CAMK2B: variants seen among roughly 807,000 people sequenced by gnomAD.
CAMK2B encodes the protein calcium/calmodulin dependent protein kinase II beta.
CAMK2B carries 27 observed loss-of-function variants against 93.7 expected under a neutral mutation model. That is an observed-to-expected ratio of 0.29 (90% CI 0.21 to 0.40). CAMK2B has a LOEUF of 0.40. Among genes scored for constraint, CAMK2B ranks in the 10% least tolerant of loss-of-function variants. CAMK2B has a pLI of 1.00. For synonymous variants in CAMK2B, 374 were observed against 358.8 expected (o/e 1.04, Z -0.48); for missense variants, 568 against 895.8 (o/e 0.63, Z 4.67).
chr7:44,243,199 G>T, intron 8 of CAMK2B, 51 bp downstream of exon 8: 1 of 1,384,230 alleles, frequency 7.2e-7, no homozygotes, highest in Non-Finnish European at 1.0e-6. Context: ...TAGGTGGGAA[G>T]TCCTGAAACA....
chr7:44,247,682 T>C (rs1238230825), intron 5 of CAMK2B, among the ~76,000 whole-genome samples: 1 of 152,162 alleles, frequency 6.6e-6, no homozygotes, highest in African/African-American at 2.4e-5. Flanking sequence ...GACCCTGCTC[T>C]GTGCTGGAGC....
At chr7:44,259,701 A>G (rs562072278) in intron 3 of CAMK2B, 1 of 152,352 alleles carries the variant, frequency 6.6e-6, no homozygotes, top group African/African-American at 2.4e-5. Flanking sequence ...ATTTCAGCAC[A>G]AAGCAAGCAA....
At chr7:44,226,450 G>A in intron 20 of CAMK2B, 66 bp downstream of exon 20, 1 of 1,281,540 alleles carries the variant, frequency 7.8e-7, no homozygotes, top group Non-Finnish European at 1.0e-6. Context: ...GAGCACCACT[G>A]CCAGGCTCGC....
Position 44,229,452 on chromosome 7 carries a change from G to A in CAMK2B, c.1275C>T (p.Ala425=). ...AGGGCAGGGGCCCCTCGGCTTCTGG[G>A]GCTCCCGAGCCCCTCCTCACTGAGC... The part of the protein sequence containing the change: ...ILSSVRRGSG[A]PEAEGPLPCP... The change falls in exon 18 of 24, where the codon GCC becomes GCT. Residue 425 remains alanine (A), a synonymous_variant. Transcript: ENST00000395749. 6.7e-7 allele frequency: 1 copy of A among 1,489,780 alleles called. No homozygotes were observed. 92.3% of individuals were successfully genotyped at this position (1,489,780 alleles called of 1,614,324 possible). A position where few individuals can be genotyped will look rare whatever the true frequency, so the allele number is the denominator to read the frequency against.
intron 4 of CAMK2B, among the ~76,000 whole-genome samples, chr7:44,256,057 T>G: frequency 6.6e-6 from 1 of 152,190 alleles, no homozygotes; most frequent in East Asian, 1.9e-4. Context: ...TCTGCTGTTC[T>G]GTGTCCCCGA....
chr7:44,291,574 A>C (rs1028982098), intron 1 of CAMK2B, among the ~76,000 whole-genome samples: 1 of 152,218 alleles, frequency 6.6e-6, no homozygotes, highest in Non-Finnish European at 1.5e-5. Context: ...CCTTATCAGC[A>C]CGGGAGTTCC....
chr7:44,308,551 T>A (rs1012989714), intron 1 of CAMK2B, among the ~76,000 whole-genome samples: 5 of 152,038 alleles, frequency 3.3e-5, no homozygotes, highest in African/African-American at 1.2e-4. Flanking sequence ...GTCATCCCCT[T>A]CAGAACCACA....
At chr7:44,256,266 G>GGT (rs1033100272) in intron 4 of CAMK2B, among the ~76,000 whole-genome samples, 3 of 152,224 alleles carry the variant, frequency 2.0e-5, no homozygotes, top group Non-Finnish European at 4.4e-5. Flanking sequence ...TCCGTGTGAG[G>GGT]GTGTGTGTGT....
rs1420548136 is a variant in CAMK2B, at chr7:44,312,298, G to A, written c.65+13059C>T. Reference sequence around the variant, plus strand: ...TCAGCCAGGTGTCAGTGGCGAGAGGGTGGTGGTGGGAGGGTGGGGCAGAGA... The same window carrying A: ...TCAGCCAGGTGTCAGTGGCGAGAGGATGGTGGTGGGAGGGTGGGGCAGAGA... On this transcript the variant is annotated intron_variant, in intron 1 of 23. Coordinates refer to ENST00000395749, the MANE Select transcript of CAMK2B (RefSeq NM_001220.5). This position sits in a 1 kb window ranked among gnomAD's most constrained non-coding sequence, Gnocchi z 4.1. Among the ~76,000 whole-genome samples the A allele has an allele frequency of 6.6e-6, 1 of 152,186 alleles. No individual in the cohort carries two copies. The highest frequency in any genetic ancestry group is 6.5e-5 in the Admixed American group (1 of 15,276).
chr7:44,273,482 C>T (rs2096995371), intron 2 of CAMK2B, among the ~76,000 whole-genome samples: 1 of 152,188 alleles, frequency 6.6e-6, no homozygotes, highest in Non-Finnish European at 1.5e-5. Context: ...TGGCCCCCCA[C>T]AGGGCAGGCA....
At chr7:44,289,124 G>A (rs1342929134) in intron 1 of CAMK2B, among the ~76,000 whole-genome samples, 4 of 152,128 alleles carry the variant, frequency 2.6e-5, no homozygotes, top group Non-Finnish European at 5.9e-5. Context: ...CAACCCTCGT[G>A]CCTGCCTCTT....
intron 13 of CAMK2B, among the ~76,000 whole-genome samples, chr7:44,238,552 G>C (rs1039480851): frequency 1.3e-5 from 2 of 152,152 alleles, no homozygotes; most frequent in Non-Finnish European, 2.9e-5. Context: ...GAGGAGAATA[G>C]ACTGCCCTCC....
At chr7:44,307,354 GAAGTTGTC>G (rs1792161118) in intron 1 of CAMK2B, among the ~76,000 whole-genome samples, 1 of 130,492 alleles carries the variant, frequency 7.7e-6, no homozygotes, top group African/African-American at 2.9e-5. Flanking sequence ...GCAGGGGGAG[GAAGTTGTC>G]AGCAGGGGGA....
At chr7:44,280,693 C>T (rs578063568) in intron 2 of CAMK2B, among the ~76,000 whole-genome samples, 2 of 152,302 alleles carry the variant, frequency 1.3e-5, no homozygotes, top group Admixed American at 1.3e-4. Context: ...CTGCCAACGT[C>T]ATCAGGAATT....
upstream of CAMK2B, chr7:44,325,853 G>GC (rs1797406084): frequency 2.1e-5 from 1 of 48,530 alleles, no homozygotes; most frequent in Non-Finnish European, 4.1e-5. Context: ...ACGCGCGCCC[G>GC]CCCCCGCCCG....
intron 2 of CAMK2B, chr7:44,267,005 G>A (rs533524481): frequency 1.3e-5 from 2 of 152,232 alleles, no homozygotes; most frequent in African/African-American, 2.4e-5. Context: ...GCACCTCTAC[G>A]TGCACACTGG....
chr7:44,283,322 CA>C (rs760932727), intron 2 of CAMK2B, among the ~76,000 whole-genome samples: 24 of 152,222 alleles, frequency 1.6e-4, no homozygotes, highest in Non-Finnish European at 3.2e-4. Flanking sequence ...GGAGACCCCA[CA>C]AGGGCAGGGA....
At chr7:44,303,209 T>C (rs1790569140) in intron 1 of CAMK2B, among the ~76,000 whole-genome samples, 1 of 152,090 alleles carries the variant, frequency 6.6e-6, no homozygotes, top group African/African-American at 2.4e-5. Context: ...ATGTACAAGA[T>C]CTATATGAGG....
At position 44,240,696 on chromosome 7, in the gene CAMK2B, G is replaced by A. The variant is rs1465077771; in HGVS notation, c.946+11C>T. ...GGGCAGCGCCTGTCTCCCTGGAGAA[G>A]AAAGGCTCACCTGAGAAATTCCGTG... On this transcript the variant is annotated intron_variant, in intron 12 of 23. Coordinates refer to ENST00000395749, the MANE Select transcript of CAMK2B (RefSeq NM_001220.5). The A allele has an allele frequency of 6.2e-7, 1 of 1,613,858 alleles. No individual in the cohort carries two copies. Among genetic ancestry groups the A allele is most frequent in the East Asian group, 2.2e-5 (1 of 44,878 alleles).
Sources: allele counts gnomAD v4.1 joint callset (sites outside exome capture counted in the v4.1 genomes callset), GRCh38; gene constraint gnomAD v4.1.1; non-coding constraint Gnocchi (gnomAD v3.1); transcripts MANE v1.5; gene names NCBI Gene and HGNC (gene_info 2026-07-23, HGNC 2026-07-21).